Variants in ALCAM observed in about 807,000 individuals in gnomAD.
ALCAM encodes activated leukocyte cell adhesion molecule.
ALCAM carries 30 observed loss-of-function variants against 70.9 expected under a neutral mutation model. The observed-to-expected ratio is 0.42, with a 90% confidence interval of 0.32 to 0.57. The LOEUF is 0.57. ALCAM is among the 20% of genes least tolerant of loss of function. ALCAM has a pLI of 0.11. For synonymous variants in ALCAM, 249 were observed against 242.5 expected, an observed-to-expected ratio of 1.03 and a Z score of -0.25; for missense variants, 591 against 695.1, an observed-to-expected ratio of 0.85 and a Z score of 1.68.
At chr3:105,557,603 T>A (rs1237156760) in intron 14 of ALCAM, among the ~76,000 whole-genome samples, 2 of 152,206 alleles carry the variant, frequency 1.3e-5, no homozygotes, top group Admixed American at 1.3e-4. Context: ...TTCTCTGGCA[T>A]GAGCCAGGCT....
chr3:105,471,803 C>G (rs1206375668), intron 1 of ALCAM, among the ~76,000 whole-genome samples: 1 of 150,978 alleles, frequency 6.6e-6, no homozygotes, highest in Non-Finnish European at 1.5e-5. Flanking sequence ...TGGCCCAAAC[C>G]CTTATACATC....
intron 1 of ALCAM, among the ~76,000 whole-genome samples, chr3:105,448,868 C>T (rs1937357023): frequency 6.6e-6 from 1 of 152,150 alleles, no homozygotes; most frequent in Non-Finnish European, 1.5e-5. Flanking sequence ...AGCTGCACAG[C>T]TGTGGCAACT....
In ALCAM at chr3:105,367,108, C is replaced by T. The variant is rs1935076190; in HGVS notation, c.-301C>T. 2.6e-6 allele frequency: 1 copy of T among 389,928 alleles called. No individual in the cohort carries two copies. The highest frequency in any genetic ancestry group is 2.1e-5 in the African/African-American group (1 of 48,584). 24.2% of individuals were successfully genotyped at this position (389,928 alleles called of 1,614,324 possible). ...TACCAGCGAAAAGAACCGCTTACAC[C>T]TTTCCGAATTACTCAAGTGTCTCCT... On this transcript the variant is annotated 5_prime_UTR_variant, in exon 1 of 16. Coordinates refer to ENST00000306107, the MANE Select transcript of ALCAM (RefSeq NM_001627.4).
At chr3:105,562,333 G>T (rs1421746650) in intron 14 of ALCAM, among the ~76,000 whole-genome samples, 2 of 152,048 alleles carry the variant, frequency 1.3e-5, no homozygotes, top group Non-Finnish European at 2.9e-5. Context: ...ACTATTCCTA[G>T]ATTACCAGTA....
intron 1 of ALCAM, among the ~76,000 whole-genome samples, chr3:105,394,135 G>A (rs1389764264): frequency 2.0e-5 from 3 of 151,936 alleles, no homozygotes; most frequent in South Asian, 2.1e-4. Flanking sequence ...GTAACAGCCT[G>A]TAAGCCTCCT....
chr3:105,477,138 G>A (rs1938142052), intron 1 of ALCAM, among the ~76,000 whole-genome samples: 1 of 151,950 alleles, frequency 6.6e-6, no homozygotes, highest in South Asian at 2.1e-4. Flanking sequence ...TTTCAGGTAT[G>A]TCTTTATCAG....
At chr3:105,478,199 A>C (rs969304130) in intron 1 of ALCAM, among the ~76,000 whole-genome samples, 6 of 152,038 alleles carry the variant, frequency 3.9e-5, no homozygotes, top group Admixed American at 3.9e-4. Flanking sequence ...AAGAGTGTTG[A>C]ATTTTGTGTA....
chr3:105,406,047 C>T (rs555779397), intron 1 of ALCAM, among the ~76,000 whole-genome samples: 4 of 152,284 alleles, frequency 2.6e-5, no homozygotes, highest in Admixed American at 6.5e-5. Context: ...TATATACTTT[C>T]TAGGCTATAT....
rs535661381 is a variant in ALCAM, at chr3:105,554,891, T to G, written c.1664+2306T>G. ...TCTGAATACTCCACAGTAATTTTACTTCTTAAAACAATGAAAATAAAATTT... is the reference window on the plus strand; with the variant it reads ...TCTGAATACTCCACAGTAATTTTACGTCTTAAAACAATGAAAATAAAATTT... On this transcript the variant is annotated intron_variant, in intron 14 of 15. Transcript: ENST00000306107. Among the ~76,000 whole-genome samples the G allele has an allele frequency of 2.0e-5, 3 of 152,072 alleles. No individual in the cohort carries two copies. In the East Asian group the frequency reaches 5.8e-4, roughly 30 times the overall value.
chr3:105,393,020 T>G (rs1935861794), intron 1 of ALCAM, among the ~76,000 whole-genome samples: 1 of 151,876 alleles, frequency 6.6e-6, no homozygotes, highest in African/African-American at 2.4e-5. Context: ...AATTGAGAAA[T>G]TAGGAATTTT....
chr3:105,449,972 C>T (rs1937387558), intron 1 of ALCAM, among the ~76,000 whole-genome samples: 1 of 152,070 alleles, frequency 6.6e-6, no homozygotes, highest in South Asian at 2.1e-4. Context: ...CTATTGTGTT[C>T]TATATTGCAT....
At chr3:105,565,218 A>G (rs1351834553) in intron 14 of ALCAM, among the ~76,000 whole-genome samples, 4 of 152,116 alleles carry the variant, frequency 2.6e-5, no homozygotes, top group South Asian at 2.1e-4. Context: ...AATTTCAGCA[A>G]TTTTTTTACA....
chr3:105,391,914 G>A (rs1461847111), intron 1 of ALCAM, among the ~76,000 whole-genome samples: 2 of 151,932 alleles, frequency 1.3e-5, no homozygotes, highest in South Asian at 2.1e-4. Flanking sequence ...CTTGCATCTG[G>A]GGATGAAGCC....
intron 1 of ALCAM, among the ~76,000 whole-genome samples, chr3:105,377,526 T>C (rs192248913): frequency 6.6e-6 from 1 of 152,198 alleles, no homozygotes; most frequent in East Asian, 1.9e-4. Context: ...TTTTAACCAG[T>C]ATCATAAGTT....
rs142652203 is a variant in ALCAM, at chr3:105,510,973, C to T, written c.74-9094C>T. ...TCAAAACGGGAGGCACCTTCAGATG[C>T]AGATTTCATACCCTTAGAAATGATA... On this transcript the variant is annotated intron_variant, in intron 1 of 15. Coordinates refer to ENST00000306107, the MANE Select transcript of ALCAM (RefSeq NM_001627.4). Among the ~76,000 whole-genome samples the T allele has an allele frequency of 4.2e-3, 634 of 152,112 alleles. 9 individuals are homozygous for T. Among genetic ancestry groups the T allele is most frequent in the Middle Eastern group, 0.031 (9 of 294 alleles).
intron 1 of ALCAM, among the ~76,000 whole-genome samples, chr3:105,475,581 G>A (rs1314826847): frequency 7.2e-5 from 11 of 151,912 alleles, no homozygotes; most frequent in Non-Finnish European, 1.5e-4. Flanking sequence ...ACTTCATCAC[G>A]AACACATAAT....
intron 1 of ALCAM, among the ~76,000 whole-genome samples, chr3:105,389,739 C>G (rs1441790258): frequency 6.6e-6 from 1 of 151,172 alleles, no homozygotes; most frequent in Non-Finnish European, 1.5e-5. Context: ...TGTCCCTCCC[C>G]CCTACCCCCT....
intron 1 of ALCAM, among the ~76,000 whole-genome samples, chr3:105,485,485 A>C (rs1233671106): frequency 1.3e-5 from 2 of 152,048 alleles, no homozygotes; most frequent in Non-Finnish European, 2.9e-5. Context: ...GCAAAAAAAT[A>C]TATCTAACCA....
At chr3:105,538,630 C>T (rs1940034104) in intron 6 of ALCAM, among the ~76,000 whole-genome samples, 1 of 152,004 alleles carries the variant, frequency 6.6e-6, no homozygotes, top group Non-Finnish European at 1.5e-5. Flanking sequence ...AGAGATGTGC[C>T]ACAGTGACAT....
Sources: allele counts gnomAD v4.1 joint callset (sites outside exome capture counted in the v4.1 genomes callset), GRCh38; gene constraint gnomAD v4.1.1; transcripts MANE v1.5; gene names NCBI Gene and HGNC (gene_info 2026-07-23, HGNC 2026-07-21).